Variants in MYCBPAP observed in about 807,000 individuals in gnomAD.
MYCBPAP encodes the protein MYCBP-associated protein.
A neutral mutation model predicts 106.1 loss-of-function variants in MYCBPAP; 60 were observed. The ratio of observed to expected loss-of-function variants is 0.57; its 90% CI spans 0.46 to 0.70. MYCBPAP has a LOEUF of 0.70. MYCBPAP is among the 30% of genes least tolerant of loss of function. The pLI, the probability that MYCBPAP is intolerant of heterozygous loss-of-function variation, is 0.00. For synonymous variants in MYCBPAP, 407 were observed against 440.6 expected, an observed-to-expected ratio of 0.92 and a Z score of 0.95; for missense variants, 1,064 against 1,169.3, an observed-to-expected ratio of 0.91 and a Z score of 1.31.
chr17:50,520,061 T>TA (rs1431138742), intron 7 of MYCBPAP: 1 of 361,240 alleles, frequency 2.8e-6, no homozygotes, highest in African/African-American at 2.1e-5. Flanking sequence ...GGTGAGCGCC[T>TA]GGATCGTGGC....
At position 50,519,702 on chromosome 17, in the gene MYCBPAP, G is replaced by T; in HGVS notation, c.831G>T (p.Leu277=). 6.2e-7 allele frequency: 1 copy of T among 1,614,122 alleles called. No individual in the cohort carries two copies. Residue 277 remains leucine, a synonymous_variant, in exon 7 of 19, where the codon CTG becomes CTT. Transcript: ENST00000323776. ...LEYLGDEMTG[L]VMTKTKTQRG... is the part of the protein sequence containing the mutation. ...ACTTGGGAGATGAGATGACAGGTCT[G>T]GTCATGACCAAGACAAAAACTCAGC...
Position 50,526,168 on chromosome 17 carries a change from G to C in MYCBPAP, c.2070G>C (p.Leu690=), listed in dbSNP as rs2034453306. The C allele has an allele frequency of 6.2e-7, 1 of 1,613,626 alleles. No homozygotes were observed. The highest frequency in any genetic ancestry group is 8.5e-7 in the Non-Finnish European group (1 of 1,179,924). ...PQRKSIMEEI[L]VEESPDVDST... ...GGAAGAGCATCATGGAGGAGATCCTGGTGGAGGAAAGCCCAGATGTGGACA... is the reference window on the plus strand; with the variant it reads ...GGAAGAGCATCATGGAGGAGATCCTCGTGGAGGAAAGCCCAGATGTGGACA... The change falls in exon 14 of 19, where the codon CTG becomes CTC. Residue 690 remains leucine (L), a synonymous_variant. Transcript: ENST00000323776.
At chr17:50,527,938 T>C (rs2034514019) in intron 15 of MYCBPAP, among the ~76,000 whole-genome samples, 1 of 152,198 alleles carries the variant, frequency 6.6e-6, no homozygotes, top group Non-Finnish European at 1.5e-5. Context: ...ACCCTAGTCC[T>C]GGGCCATTTT....
chr17:50,511,045 A>G (rs1260519353), intron 1 of MYCBPAP, among the ~76,000 whole-genome samples: 1 of 115,628 alleles, frequency 8.6e-6, no homozygotes, highest in Non-Finnish European at 1.7e-5. Context: ...AAGAACATGC[A>G]CCAGAGTGAG....
At chr17:50,524,784 G>A in intron 12 of MYCBPAP, 93 bp from the exon 13 acceptor site, 1 of 1,278,020 alleles carries the variant, frequency 7.8e-7, no homozygotes, top group Non-Finnish European at 1.1e-6. Flanking sequence ...CAGACCCTAG[G>A]AAGGCACAAA....
intron 6 of MYCBPAP, 144 bp downstream of exon 6, chr17:50,519,233 C>T (rs1040270577): frequency 1.1e-5 from 7 of 626,152 alleles, no homozygotes; most frequent in African/African-American, 5.5e-5. Flanking sequence ...TCATTAGGCC[C>T]TCAAGGCCTT....
chr17:50,515,260 T>G (rs772879232), intron 1 of MYCBPAP, among the ~76,000 whole-genome samples: 3 of 149,710 alleles, frequency 2.0e-5, no homozygotes, highest in Non-Finnish European at 4.4e-5. Flanking sequence ...CCCCCCACCA[T>G]GTTCCTGTAG....
In MYCBPAP at chr17:50,523,071, A is replaced by C. The variant is rs764178954; in HGVS notation, c.1390A>C (p.Thr464Pro). The change falls in exon 11 of 19, where the codon ACT becomes CCT. Residue 464 changes from threonine to proline, a missense_variant. Coordinates refer to ENST00000323776, the MANE Select transcript of MYCBPAP (RefSeq NM_032133.6). ...CTGGCGACGGCAGCACCAGCCGGAC[A>C]CTTTCCAAGACCTTAAGAAAAACAG... ...YDWRRQHQPD[T>P]FQDLKKNRMQ... 6.2e-7 allele frequency: 1 copy of C among 1,614,138 alleles called. No homozygotes were observed. The highest frequency in any genetic ancestry group is 1.1e-5 in the South Asian group (1 of 91,068).
At position 50,521,376 on chromosome 17, in the gene MYCBPAP, G is replaced by T; in HGVS notation, c.1093G>T (p.Asp365Tyr). 6.2e-7 allele frequency: 1 copy of T among 1,605,926 alleles called. No individual in the cohort carries two copies. Among genetic ancestry groups the T allele is most frequent in the Non-Finnish European group, 8.5e-7 (1 of 1,175,818 alleles). The change falls in exon 9 of 19, where the codon GAC becomes TAC. Residue 365 changes from aspartate (D) to tyrosine (Y), a missense_variant. Physicochemically the swap from Asp to Tyr is radical, Grantham distance 160 (BLOSUM62 -3). Coordinates refer to ENST00000323776, the MANE Select transcript of MYCBPAP (RefSeq NM_032133.6). The part of the protein sequence containing the change: ...GWPFSAVTVE[D>Y]YTVFERSQGS... ...GCCCTTCTCGGCTGTTACTGTGGAA[G>T]ACTACACAGTGTTTGAAAGAAGTCA...
In MYCBPAP at chr17:50,524,958, C is replaced by T. The variant is rs751077825; in HGVS notation, c.1717C>T (p.Arg573Cys). 7.4e-6 allele frequency: 12 copies of T among 1,613,872 alleles called. No individual in the cohort carries two copies. The highest frequency in any genetic ancestry group is 1.3e-5 in the African/African-American group (1 of 74,918). Residue 573 changes from arginine to cysteine, a missense_variant, in exon 13 of 19, where the codon CGC becomes TGC. Physicochemically the swap from Arg to Cys is radical, Grantham distance 180. Transcript: ENST00000323776. ...GCTGATGGGGGTCTTGACCCCGGAG[C>T]GCACACCATCACCTGTGGATGCCTA... ...ELLMGVLTPE[R>C]TPSPVDAYLT...
rs774273845 is a variant in MYCBPAP at position 50,526,072 on chromosome 17, C to T, written c.1974C>T (p.Pro658=). The change falls in exon 14 of 19, where the codon CCC becomes CCT. Residue 658 remains proline (P), a synonymous_variant. Coordinates refer to ENST00000323776, the MANE Select transcript of MYCBPAP (RefSeq NM_032133.6). ...FRSPISETQV[P]RPENEALRES... ...GCCCCATCTCCGAAACTCAAGTGCC[C>T]CGGCCTGAGAACGAGGCCCTCAGGG... is the stretch of plus-strand genomic sequence containing the variant. 1.3e-5 allele frequency: 21 copies of T among 1,613,800 alleles called. No homozygotes were observed. In the East Asian group the frequency reaches 4.5e-4, roughly 34 times the overall value.
At chr17:50,522,709 A>AAATATATATATATATATATATAT in intron 10 of MYCBPAP, 4 of 50,044 alleles carry the variant, frequency 8.0e-5, no homozygotes, top group African/African-American at 3.6e-4. Flanking sequence ...AAAAAAAAAA[A>AAATATATATATATATATATATAT]ATATATATAT....
chr17:50,530,980 A>C (rs1353731462), intron 18 of MYCBPAP, among the ~76,000 whole-genome samples: 1 of 152,018 alleles, frequency 6.6e-6, no homozygotes, highest in Non-Finnish European at 1.5e-5. Context: ...GTGAAACCCC[A>C]TCTCTACAAA....
rs916012102 is a variant in MYCBPAP, at chr17:50,508,576, T to G, written c.-99T>G. On this transcript the variant is annotated 5_prime_UTR_variant, in exon 1 of 19. Coordinates refer to ENST00000323776, the MANE Select transcript of MYCBPAP (RefSeq NM_032133.6). Reference sequence around the variant, plus strand: ...CGCCCCCGCGCGGGGCACCGGTTGCTGTGGACGCAGTGGCGGCCGTTGGCT... The same window carrying G: ...CGCCCCCGCGCGGGGCACCGGTTGCGGTGGACGCAGTGGCGGCCGTTGGCT... 6.4e-7 allele frequency: 1 copy of G among 1,552,074 alleles called. No homozygotes were observed. Among genetic ancestry groups the G allele is most frequent in the South Asian group, 1.2e-5 (1 of 85,568 alleles).
chr17:50,518,761 T>G, intron 5 of MYCBPAP, 37 bp downstream of exon 5: 2 of 1,552,624 alleles, frequency 1.3e-6, no homozygotes, highest in African/African-American at 1.4e-5. Flanking sequence ...CCGGCCTCCA[T>G]CTGGCAGCAA....
chr17:50,518,798 C>T, intron 5 of MYCBPAP, 74 bp downstream of exon 5: 1 of 1,538,988 alleles, frequency 6.5e-7, no homozygotes, highest in Non-Finnish European at 8.8e-7. Flanking sequence ...TTGCTCTCCT[C>T]CAGAGCCTGG....
chr17:50,522,045 A>T lies in MYCBPAP; in HGVS notation c.1221A>T (p.Pro407=), dbSNP rs779899328. 8.7e-6 allele frequency: 14 copies of T among 1,613,916 alleles called. No individual in the cohort carries two copies. Among genetic ancestry groups the T allele is most frequent in the Middle Eastern group, 1.6e-4 (1 of 6,076 alleles). Residue 407 remains proline, a synonymous_variant, in exon 10 of 19, where the codon CCA becomes CCT. Transcript: ENST00000323776. The part of the protein sequence containing the change: ...LGPSLLFCGK[P]ACWIRGSNPQ... Reference sequence around the variant, plus strand: ...CTTCTCTGCTGTTCTGTGGGAAGCCAGCTTGCTGGATCAGAGGCAGTAATC... The same window carrying T: ...CTTCTCTGCTGTTCTGTGGGAAGCCTGCTTGCTGGATCAGAGGCAGTAATC...
At chr17:50,523,967 G>A (rs6504666) in intron 12 of MYCBPAP, among the ~76,000 whole-genome samples, 183 bp downstream of exon 12, 115,625 of 152,234 alleles carry the variant, frequency 0.76, 44,334 homozygotes, top group East Asian at 0.87. Flanking sequence ...AGATGGGTGC[G>A]CTGGCTAGGC....
intron 1 of MYCBPAP, among the ~76,000 whole-genome samples, chr17:50,515,447 C>T (rs2034014706): frequency 6.6e-6 from 1 of 152,156 alleles, no homozygotes; most frequent in South Asian, 2.1e-4. Context: ...CTCTGCTTCC[C>T]CCACAGAGAT....
Sources: allele counts gnomAD v4.1 joint callset (sites outside exome capture counted in the v4.1 genomes callset), GRCh38; gene constraint gnomAD v4.1.1; transcripts MANE v1.5; gene names NCBI Gene and HGNC (gene_info 2026-07-23, HGNC 2026-07-21).